The following JAZF1 variants were observed in gnomAD, a reference collection of about 807,000 sequenced individuals.
JAZF1 encodes juxtaposed with another zinc finger protein 1.
Under a neutral mutation model 26.4 loss-of-function variants are expected in JAZF1, and 8 were observed. That is an observed-to-expected ratio of 0.30 (90% CI 0.18 to 0.55). The LOEUF (loss-of-function observed/expected upper bound fraction) is 0.55, where lower values mean the gene tolerates loss of function less well. Among genes scored for constraint, JAZF1 ranks in the 20% least tolerant of loss-of-function variants. The pLI is 0.94. For synonymous variants in JAZF1, 126 were observed against 122.3 expected (o/e 1.03, Z -0.20); for missense variants, 199 against 322.0 (o/e 0.62, Z 2.92).
chr7:28,028,747 CTAAG>C (rs963942039), intron 1 of JAZF1, among the ~76,000 whole-genome samples: 3 of 152,170 alleles, frequency 2.0e-5, no homozygotes, highest in Admixed American at 6.5e-5. Context: ...CCAATATGTA[CTAAG>C]TGTCTATTAA....
intron 1 of JAZF1, among the ~76,000 whole-genome samples, chr7:28,143,432 C>G (rs1354941715): frequency 6.6e-6 from 1 of 152,192 alleles, no homozygotes; most frequent in Non-Finnish European, 1.5e-5. Flanking sequence ...ACATATACAC[C>G]CTCCTTAGAC....
chr7:27,862,711 TG>T (rs1401598506), intron 3 of JAZF1, among the ~76,000 whole-genome samples: 2 of 152,230 alleles, frequency 1.3e-5, no homozygotes, highest in African/African-American at 4.8e-5. Flanking sequence ...TTCCACTTGC[TG>T]TCCAGCTTCC....
chr7:28,177,993 G>C (rs1362692697), intron 1 of JAZF1, among the ~76,000 whole-genome samples: 1 of 152,206 alleles, frequency 6.6e-6, no homozygotes. Flanking sequence ...CCTGGGAATT[G>C]CAAGTGTTTG....
intron 1 of JAZF1, among the ~76,000 whole-genome samples, chr7:28,159,805 A>T (rs1479685326): frequency 6.6e-6 from 1 of 152,128 alleles, no homozygotes; most frequent in East Asian, 1.9e-4. Context: ...TATACTGTAG[A>T]CTGCATAAAA....
intron 1 of JAZF1, among the ~76,000 whole-genome samples, chr7:28,141,071 C>G (rs998584583): frequency 1.3e-5 from 2 of 152,190 alleles, no homozygotes; most frequent in African/African-American, 4.8e-5. Context: ...GTTATGCTAT[C>G]CCAGCTTTTA....
intron 3 of JAZF1, chr7:27,863,996 C>T (rs931275669): frequency 1.3e-5 from 2 of 152,240 alleles, no homozygotes; most frequent in African/African-American, 4.8e-5. Context: ...CAGAGAGGAG[C>T]ACAGGAGAAT....
chr7:28,132,044 T>C (rs561661812), intron 1 of JAZF1, among the ~76,000 whole-genome samples: 1 of 152,348 alleles, frequency 6.6e-6, no homozygotes, highest in South Asian at 2.1e-4. Context: ...CAGATGCTTC[T>C]TGGGTAAAAC....
At chr7:27,955,993 C>T (rs1225549378) in intron 2 of JAZF1, among the ~76,000 whole-genome samples, 1 of 152,166 alleles carries the variant, frequency 6.6e-6, no homozygotes, top group Non-Finnish European at 1.5e-5. Flanking sequence ...AGAACTCACT[C>T]TGGGGCAACT....
chr7:27,852,365 C>T (rs1296567061), intron 3 of JAZF1, among the ~76,000 whole-genome samples: 1 of 152,080 alleles, frequency 6.6e-6, no homozygotes, highest in Non-Finnish European at 1.5e-5. Context: ...AACTCTTGAC[C>T]TCAGGTGATC....
Position 27,930,429 on chromosome 7 carries a change from A to G in JAZF1, c.189-35013T>C, listed in dbSNP as rs974930710. On this transcript the variant is annotated intron_variant, in intron 2 of 4. Coordinates refer to ENST00000283928, the MANE Select transcript of JAZF1 (RefSeq NM_175061.4). ...AACAAGATGAGAAAATGTTATTGCA[A>G]ACCTGACCACTGTTTTCCCTGACAG... Among the ~76,000 whole-genome samples, 11 of 152,356 alleles carry G rather than the reference A, an allele frequency of 7.2e-5. No homozygotes were observed. In the South Asian group the frequency reaches 2.3e-3, roughly 32 times the overall value.
intron 1 of JAZF1, among the ~76,000 whole-genome samples, chr7:28,008,049 G>C (rs887434296): frequency 6.6e-6 from 1 of 151,934 alleles, no homozygotes; most frequent in African/African-American, 2.4e-5. Flanking sequence ...TTCTCCTTTG[G>C]GTGACTGATC....
intron 2 of JAZF1, among the ~76,000 whole-genome samples, chr7:27,938,717 G>A (rs1400523778): frequency 6.6e-6 from 1 of 152,088 alleles, no homozygotes; most frequent in East Asian, 1.9e-4. Context: ...TGTTGCCCAG[G>A]CTGGAGTGCA....
intron 2 of JAZF1, among the ~76,000 whole-genome samples, chr7:27,980,672 C>T (rs1785566063): frequency 6.6e-6 from 1 of 152,042 alleles, no homozygotes; most frequent in South Asian, 2.1e-4. Flanking sequence ...CTTCACTGCT[C>T]AGGAAAATTA....
At chr7:28,025,308 TAAGA>T (rs1280710948) in intron 1 of JAZF1, among the ~76,000 whole-genome samples, 1 of 152,110 alleles carries the variant, frequency 6.6e-6, no homozygotes, top group African/African-American at 2.4e-5. Flanking sequence ...AAGCTATGAG[TAAGA>T]AAGAGAAATT....
intron 1 of JAZF1, among the ~76,000 whole-genome samples, chr7:28,045,066 G>C (rs1375844549): frequency 6.7e-6 from 1 of 149,302 alleles, no homozygotes; most frequent in Non-Finnish European, 1.5e-5. Flanking sequence ...AGGCAGGAAG[G>C]AAGAAAAAAG....
chr7:27,932,450 TC>T (rs1784700823), intron 2 of JAZF1, among the ~76,000 whole-genome samples: 1 of 152,178 alleles, frequency 6.6e-6, no homozygotes, highest in Admixed American at 6.5e-5. Context: ...GACACAGTCA[TC>T]CATAATCTAG....
At chr7:27,843,821 TGAA>T (rs1298377608) in intron 3 of JAZF1, 5 of 152,274 alleles carry the variant, frequency 3.3e-5, no homozygotes, top group African/African-American at 1.2e-4. Context: ...AAGGCTGTTG[TGAA>T]GAATAACTGA....
At chr7:27,874,270 G>C (rs765069725) in intron 3 of JAZF1, among the ~76,000 whole-genome samples, 2 of 152,236 alleles carry the variant, frequency 1.3e-5, no homozygotes, top group Non-Finnish European at 2.9e-5. Flanking sequence ...CCCCAGGGAG[G>C]GGGCAGAAGA....
intron 3 of JAZF1, among the ~76,000 whole-genome samples, chr7:27,856,061 G>A (rs998499468): frequency 6.6e-6 from 1 of 152,208 alleles, no homozygotes; most frequent in Non-Finnish European, 1.5e-5. Flanking sequence ...GTCCGGAATT[G>A]GTGGGTTCTT....
Sources: gnomAD v4.1 joint callset for allele counts (sites outside exome capture counted in the v4.1 genomes callset) on GRCh38, gnomAD v4.1.1 for gene constraint, MANE v1.5 for transcripts, NCBI Gene and HGNC (gene_info 2026-07-23, HGNC 2026-07-21) for gene names.